The following SLC35F4 variants were observed in gnomAD, a reference collection of about 807,000 sequenced individuals.
SLC35F4 encodes the protein chromosome 14 open reading frame 36.
In SLC35F4, 24 loss-of-function variants were observed where a neutral mutation model predicts 44.2. That is an observed-to-expected ratio of 0.54 (90% CI 0.39 to 0.76). The LOEUF (loss-of-function observed/expected upper bound fraction) is 0.76. Ranked by LOEUF, SLC35F4 falls within the 30% of genes least tolerant of loss-of-function variation. The probability of loss-of-function intolerance (pLI) is 0.00; values close to 1 mark genes in which losing one functional copy is unlikely to be tolerated. For missense variants in SLC35F4, 562 were observed against 586.1 expected (o/e 0.96, Z 0.42); for synonymous variants, 238 against 223.6 (o/e 1.06, Z -0.57).
At chr14:57,608,104 A>G (rs960645360) in intron 1 of SLC35F4, among the ~76,000 whole-genome samples, 8 of 152,126 alleles carry the variant, frequency 5.3e-5, no homozygotes, top group African/African-American at 1.9e-4. Context: ...ACAGATCTAG[A>G]GTTCAGAAGA....
chr14:57,930,843 G>A (rs574218177), intron 1 of SLC35F4, among the ~76,000 whole-genome samples: 3 of 152,186 alleles, frequency 2.0e-5, no homozygotes, highest in Admixed American at 1.3e-4. Context: ...CCACCTAATC[G>A]TATAATTCCT....
chr14:57,909,541 TACACACACACACAC>T (rs56024301), intron 1 of SLC35F4, among the ~76,000 whole-genome samples: 186 of 148,620 alleles, frequency 1.3e-3, no homozygotes, highest in African/African-American at 4.3e-3. Flanking sequence ...CAGTTGGAAA[TACACACACACACAC>T]ACACACACAC....
At chr14:57,839,780 A>G (rs935738664) in intron 1 of SLC35F4, among the ~76,000 whole-genome samples, 12 of 152,186 alleles carry the variant, frequency 7.9e-5, no homozygotes, top group Non-Finnish European at 1.8e-4. Flanking sequence ...AAAAAAATGT[A>G]CATGCTCAGG....
chr14:57,818,901 C>G (rs574060450), intron 1 of SLC35F4, among the ~76,000 whole-genome samples: 1 of 152,192 alleles, frequency 6.6e-6, no homozygotes, highest in Non-Finnish European at 1.5e-5. Context: ...GATAAAGAGA[C>G]TTTACCAAAA....
At chr14:57,725,346 T>A (rs1186984631) in intron 1 of SLC35F4, among the ~76,000 whole-genome samples, 1 of 152,202 alleles carries the variant, frequency 6.6e-6, no homozygotes, top group East Asian at 1.9e-4. Context: ...GCCCTCGATA[T>A]GGCACCATTC....
At chr14:57,568,524 G>A (rs1376568566) in intron 6 of SLC35F4, among the ~76,000 whole-genome samples, 1 of 152,152 alleles carries the variant, frequency 6.6e-6, no homozygotes, top group Non-Finnish European at 1.5e-5. Flanking sequence ...GTTATGAGAG[G>A]TGCTAACCAT....
At chr14:57,628,821 T>G (rs1267656632) in intron 1 of SLC35F4, among the ~76,000 whole-genome samples, 3 of 152,188 alleles carry the variant, frequency 2.0e-5, no homozygotes, top group Non-Finnish European at 2.9e-5. Context: ...AAAAAAAATT[T>G]TCTCTTTTAG....
intron 1 of SLC35F4, among the ~76,000 whole-genome samples, chr14:57,798,111 G>A (rs1255975183): frequency 1.0e-5 from 1 of 96,372 alleles, no homozygotes; most frequent in Admixed American, 1.7e-4. Flanking sequence ...ACAGCCCACA[G>A]ACCCACGAGC....
At chr14:57,956,076 C>G (rs1890231917) in intron 1 of SLC35F4, among the ~76,000 whole-genome samples, 1 of 152,160 alleles carries the variant, frequency 6.6e-6, no homozygotes. Flanking sequence ...CAGCATGGTA[C>G]TGGTACCAAA....
At chr14:57,894,842 G>T (rs552303502) in intron 1 of SLC35F4, among the ~76,000 whole-genome samples, 9 of 152,182 alleles carry the variant, frequency 5.9e-5, no homozygotes, top group African/African-American at 2.2e-4. Context: ...GTAATAAAAG[G>T]CTATTTGAGA....
chr14:57,904,053 T>G (rs1889063237), intron 1 of SLC35F4, among the ~76,000 whole-genome samples: 1 of 152,244 alleles, frequency 6.6e-6, no homozygotes, highest in Non-Finnish European at 1.5e-5. Context: ...GTGGAATCAC[T>G]CAGTAACTGA....
At chr14:57,708,608 A>C (rs917749447) in intron 1 of SLC35F4, among the ~76,000 whole-genome samples, 3 of 152,188 alleles carry the variant, frequency 2.0e-5, no homozygotes, top group African/African-American at 7.2e-5. Flanking sequence ...GGGAACTTGT[A>C]GGGTACAGCC....
rs1255177102 is a variant in SLC35F4 at position 57,670,900 on chromosome 14, TTC to T, written c.104-76778_104-76777del. 1.3e-4 allele frequency among the ~76,000 whole-genome samples: 14 copies of T among 109,288 alleles called. 2 individuals are homozygous for T. Among genetic ancestry groups the T allele is most frequent in the African/African-American group, 4.1e-4 (11 of 26,900 alleles). The allele number at this position is 109,288 out of a possible 152,430, so 71.7% of individuals were successfully genotyped here. On this transcript the variant is annotated intron_variant, in intron 1 of 7. Coordinates refer to ENST00000556826, the MANE Select transcript of SLC35F4 (RefSeq NM_001306087.2). ...CTGGAGCTTCTTGGTAACTCATTCA[TTC>T]TTTTTTTTTTTTTTTTTTTTGAGAC...
At chr14:57,816,902 C>G (rs1048748462) in intron 1 of SLC35F4, among the ~76,000 whole-genome samples, 1 of 152,200 alleles carries the variant, frequency 6.6e-6, no homozygotes, top group African/African-American at 2.4e-5. Context: ...TTTCCCTCCT[C>G]TGTTTTATTC....
intron 1 of SLC35F4, among the ~76,000 whole-genome samples, chr14:57,595,397 C>T (rs1435454699): frequency 6.6e-6 from 1 of 152,124 alleles, no homozygotes; most frequent in Non-Finnish European, 1.5e-5. Flanking sequence ...CAGCCAAGGT[C>T]GTGTTGGCCA....
At chr14:57,838,406 T>G (rs1885159392) in intron 1 of SLC35F4, among the ~76,000 whole-genome samples, 1 of 152,248 alleles carries the variant, frequency 6.6e-6, no homozygotes, top group African/African-American at 2.4e-5. Flanking sequence ...TACGTATGTC[T>G]GAGTTTCAAC....
At chr14:57,641,429 T>G (rs1014913860) in intron 1 of SLC35F4, among the ~76,000 whole-genome samples, 1 of 151,938 alleles carries the variant, frequency 6.6e-6, no homozygotes, top group Admixed American at 6.6e-5. Context: ...TGGATGACCC[T>G]AGTCAGCAAA....
intron 1 of SLC35F4, among the ~76,000 whole-genome samples, chr14:57,753,175 T>A (rs1301786202): frequency 6.6e-6 from 1 of 152,168 alleles, no homozygotes; most frequent in Non-Finnish European, 1.5e-5. Context: ...CTGGTAGTCT[T>A]TGATGAAGTG....
intron 1 of SLC35F4, among the ~76,000 whole-genome samples, chr14:57,727,833 C>G (rs916269348): frequency 2.0e-5 from 3 of 152,142 alleles, no homozygotes; most frequent in African/African-American, 7.2e-5. Context: ...GAACCATGTG[C>G]TGAGGAGGAA....
Sources: gnomAD v4.1 joint callset for allele counts (sites outside exome capture counted in the v4.1 genomes callset) on GRCh38, gnomAD v4.1.1 for gene constraint, MANE v1.5 for transcripts, NCBI Gene and HGNC (gene_info 2026-07-23, HGNC 2026-07-21) for gene names.